The following MARCHF4 variants were observed in gnomAD, a reference collection of about 807,000 sequenced individuals.
MARCHF4 encodes membrane associated ring-CH-type finger 4, also known as E3 ubiquitin-protein ligase MARCHF4.
Under a neutral mutation model 43.9 loss-of-function variants are expected in MARCHF4, and 14 were observed. That is an observed-to-expected ratio of 0.32 (90% CI 0.21 to 0.50). The LOEUF (loss-of-function observed/expected upper bound fraction) is 0.50, where lower values mean the gene tolerates loss of function less well. MARCHF4 is among the 20% of genes least tolerant of loss of function. The pLI, the probability that MARCHF4 is intolerant of heterozygous loss-of-function variation, is 0.98. For missense variants in MARCHF4, 468 were observed against 536.7 expected (o/e 0.87, Z 1.27); for synonymous variants, 226 against 213.3 (o/e 1.06, Z -0.52).
intron 1 of MARCHF4, among the ~76,000 whole-genome samples, chr2:216,293,981 T>TGTAAAAAAAAAAAAAA (rs1171951717): frequency 8.0e-5 from 8 of 99,406 alleles, no homozygotes; most frequent in East Asian, 2.8e-4. Flanking sequence ...ATCATTACCA[T>TGTAAAAAAAAAAAAAA]CACCATTGTT....
chr2:216,315,993 C>T (rs1323409150), intron 1 of MARCHF4, among the ~76,000 whole-genome samples: 1 of 152,192 alleles, frequency 6.6e-6, no homozygotes, highest in African/African-American at 2.4e-5. Flanking sequence ...AGGGAGGCGA[C>T]ATCCTCCATC....
intron 1 of MARCHF4, among the ~76,000 whole-genome samples, chr2:216,302,414 G>A (rs1395020052): frequency 2.0e-5 from 3 of 148,484 alleles, no homozygotes; most frequent in Admixed American, 1.3e-4. Flanking sequence ...ATTTTTAGTA[G>A]AGACGGGGTT....
At chr2:216,318,661 G>C (rs754482590) in intron 1 of MARCHF4, among the ~76,000 whole-genome samples, 4 of 152,162 alleles carry the variant, frequency 2.6e-5, no homozygotes, top group Non-Finnish European at 5.9e-5. Flanking sequence ...GCTGATGTGA[G>C]AAAAGAGGCT....
chr2:216,300,336 C>CTATATATATAT (rs1691472578), intron 1 of MARCHF4, among the ~76,000 whole-genome samples: 1 of 129,504 alleles, frequency 7.7e-6, no homozygotes, highest in African/African-American at 3.9e-5. Context: ...ATGTCCATCT[C>CTATATATATAT]GATATATATA....
intron 1 of MARCHF4, among the ~76,000 whole-genome samples, chr2:216,285,033 C>T (rs757313031): frequency 2.0e-5 from 3 of 152,182 alleles, no homozygotes; most frequent in Non-Finnish European, 4.4e-5. Flanking sequence ...CTATGCATAT[C>T]CCTGTCTACC....
At chr2:216,352,460 T>G (rs1000240683) in intron 1 of MARCHF4, among the ~76,000 whole-genome samples, 2 of 152,186 alleles carry the variant, frequency 1.3e-5, no homozygotes, top group African/African-American at 4.8e-5. Flanking sequence ...GGAAGCAAAG[T>G]GGGCCTTTCC....
intron 1 of MARCHF4, among the ~76,000 whole-genome samples, chr2:216,348,431 A>C (rs963186348): frequency 2.6e-5 from 4 of 152,136 alleles, no homozygotes. Context: ...GGCAGTAAAG[A>C]AGCTGGCCAA....
intron 1 of MARCHF4, among the ~76,000 whole-genome samples, chr2:216,293,388 GA>G (rs1231029111): frequency 6.6e-6 from 1 of 151,956 alleles, no homozygotes; most frequent in Non-Finnish European, 1.5e-5. Flanking sequence ...TATTACTAGG[GA>G]AAAAAGATTT....
chr2:216,367,947 G>A (rs1299787014), intron 1 of MARCHF4, among the ~76,000 whole-genome samples: 1 of 152,074 alleles, frequency 6.6e-6, no homozygotes, highest in African/African-American at 2.4e-5. Flanking sequence ...GAAAGGAGGG[G>A]GGGGCATGAA....
Position 216,371,996 on chromosome 2 carries a change from AG to A in MARCHF4, c.-1737del. On this transcript the variant is annotated 5_prime_UTR_variant, in exon 1 of 4. Transcript: ENST00000273067. ...TTTGCGGTGCCAGCTGAAGGTGGGG[AG>A]GGGGGAGCGAAGCAGTGTGGCCGAG... 2 of 151,566 alleles carry A rather than the reference AG, an allele frequency of 1.3e-5. No homozygotes were observed. The highest frequency in any genetic ancestry group is 2.9e-5 in the Non-Finnish European group (2 of 68,158). The allele number at this position is 151,566 out of a possible 1,614,324, so 9.4% of individuals were successfully genotyped here.
At chr2:216,320,612 T>C (rs897379493) in intron 1 of MARCHF4, among the ~76,000 whole-genome samples, 16 of 17,680 alleles carry the variant, frequency 9.0e-4, no homozygotes, top group Non-Finnish European at 1.5e-3. Context: ...CCTCTTTTTC[T>C]TTCTTTCTTT....
chr2:216,282,834 T>G (rs543507754), intron 2 of MARCHF4, among the ~76,000 whole-genome samples: 45 of 152,210 alleles, frequency 3.0e-4, no homozygotes, highest in African/African-American at 1.0e-3. Context: ...TTTTTAATAT[T>G]CTCTCCCCTT....
Position 216,293,236 on chromosome 2 carries a change from C to A in MARCHF4, c.517-9507G>T, listed in dbSNP as rs549865115. 4.6e-5 allele frequency among the ~76,000 whole-genome samples: 7 copies of A among 152,334 alleles called. No homozygotes were observed. The South Asian group carries it at 1.4e-3, about 32-fold the overall frequency. On this transcript the variant is annotated intron_variant, in intron 1 of 3. Transcript: ENST00000273067. ...GGCATTTCACATGCTCCCTTCCCAGCCAGCTCATGCTGGGCTTCTCGCTTC... is the reference window on the plus strand; with the variant it reads ...GGCATTTCACATGCTCCCTTCCCAGACAGCTCATGCTGGGCTTCTCGCTTC...
intron 3 of MARCHF4, among the ~76,000 whole-genome samples, chr2:216,262,982 G>C (rs992787813): frequency 6.6e-6 from 1 of 152,170 alleles, no homozygotes; most frequent in Non-Finnish European, 1.5e-5. Flanking sequence ...AAATGCCTCC[G>C]GGGTACAGGC....
At chr2:216,306,663 G>A (rs1381153580) in intron 1 of MARCHF4, among the ~76,000 whole-genome samples, 1 of 152,064 alleles carries the variant, frequency 6.6e-6, no homozygotes, top group Admixed American at 6.5e-5. Flanking sequence ...GTATATATGG[G>A]CATCAAGTAA....
chr2:216,361,352 G>T (rs999786710), intron 1 of MARCHF4, among the ~76,000 whole-genome samples: 1 of 152,250 alleles, frequency 6.6e-6, no homozygotes, highest in South Asian at 2.1e-4. Context: ...TCTGTCTGGG[G>T]CTGTCCATCC....
chr2:216,275,095 C>T (rs1010564107), intron 3 of MARCHF4, among the ~76,000 whole-genome samples: 22 of 152,088 alleles, frequency 1.4e-4, no homozygotes, highest in East Asian at 7.7e-4. Context: ...TTATGTTTTC[C>T]GAAGAAAGGG....
chr2:216,272,424 T>C (rs1399942398), intron 3 of MARCHF4, among the ~76,000 whole-genome samples: 1 of 152,172 alleles, frequency 6.6e-6, no homozygotes, highest in African/African-American at 2.4e-5. Flanking sequence ...CCAGCAGTTA[T>C]CATGAGGGTC....
intron 1 of MARCHF4, among the ~76,000 whole-genome samples, chr2:216,312,389 T>A (rs1192101101): frequency 6.6e-6 from 1 of 152,274 alleles, no homozygotes; most frequent in African/African-American, 2.4e-5. Flanking sequence ...TCTATGACTC[T>A]GACATTGTGA....
Sources: gnomAD v4.1 joint callset for allele counts (sites outside exome capture counted in the v4.1 genomes callset) on GRCh38, gnomAD v4.1.1 for gene constraint, MANE v1.5 for transcripts, NCBI Gene and HGNC (gene_info 2026-07-23, HGNC 2026-07-21) for gene names.